The following APPL2 variants were observed in gnomAD, a reference collection of about 807,000 sequenced individuals.
APPL2 encodes the protein DCC-interacting protein 13-beta.
In APPL2, 84 loss-of-function variants were observed where a neutral mutation model predicts 92.7. That is an observed-to-expected ratio of 0.91 (90% CI 0.76 to 1.09). APPL2 has a LOEUF of 1.09. Among genes scored for constraint, APPL2 ranks in the 50% least tolerant of loss-of-function variants. The pLI, the probability that APPL2 is intolerant of heterozygous loss-of-function variation, is 0.00. For missense variants in APPL2, 736 were observed against 824.5 expected (o/e 0.89, Z 1.31); for synonymous variants, 291 against 291.0 (o/e 1.00, Z 0.00).
Position 105,190,149 on chromosome 12 carries a change from G to A in APPL2, c.1248C>T (p.Asn416=). The A allele has an allele frequency of 6.2e-7, 1 of 1,613,436 alleles. No individual in the cohort carries two copies. Among genetic ancestry groups the A allele is most frequent in the South Asian group, 1.1e-5 (1 of 91,032 alleles). ...KKQESSCPSQ[N]LKNSEMENEN... ...CATTTTCCATCTCTGAATTTTTCAG[G>A]TTCTGGCTGAAGGGGAAAAAAATCA... The change falls in exon 15 of 21, where the codon AAC becomes AAT. Residue 416 remains asparagine (N), a synonymous_variant. Coordinates refer to ENST00000258530, the MANE Select transcript of APPL2 (RefSeq NM_018171.5).
chr12:105,183,756 A>AGT (rs1886344526), intron 17 of APPL2, among the ~76,000 whole-genome samples: 1 of 151,800 alleles, frequency 6.6e-6, no homozygotes, highest in Admixed American at 6.6e-5. Flanking sequence ...CTTCTCGAGG[A>AGT]GTATCTTTGT....
chr12:105,182,463 A>G lies in APPL2; in HGVS notation c.1635-5201T>C, dbSNP rs1886203733. The stretch of plus-strand genomic sequence containing the variant: ...TGTGGTATGTTGTGTCCTTGTTCTC[A>G]TTGATTTCAAGTAATTTATTTATTT... On this transcript the variant is annotated intron_variant, in intron 17 of 20. Coordinates refer to ENST00000258530, the MANE Select transcript of APPL2 (RefSeq NM_018171.5). Among the ~76,000 whole-genome samples the G allele has an allele frequency of 2.0e-5, 3 of 152,204 alleles. No individual in the cohort carries two copies. The South Asian group carries it at 6.2e-4, about 31-fold the overall frequency.
At chr12:105,205,980 C>T (rs1888665264) in intron 8 of APPL2, among the ~76,000 whole-genome samples, 1 of 152,212 alleles carries the variant, frequency 6.6e-6, no homozygotes, top group Admixed American at 6.5e-5. Context: ...CTTCCAAAGG[C>T]ACAGGCTGAC....
At chr12:105,216,129 T>C (rs1413637521) in intron 4 of APPL2, among the ~76,000 whole-genome samples, 2 of 152,196 alleles carry the variant, frequency 1.3e-5, no homozygotes, top group African/African-American at 4.8e-5. Context: ...ACAATTAGAA[T>C]TTATGCACTT....
At position 105,209,556 on chromosome 12, in the gene APPL2, T is replaced by C. The variant is rs187873192; in HGVS notation, c.374-1357A>G. 5.3e-5 allele frequency among the ~76,000 whole-genome samples: 8 copies of C among 152,270 alleles called. No homozygotes were observed. In the East Asian group the frequency reaches 5.8e-4, roughly 11 times the overall value. ...CCTGAAAGACATAAATCTGACAACA[T>C]AGGTCTTAGGAGATGATTATTTTCT... is the stretch of plus-strand genomic sequence containing the variant. On this transcript the variant is annotated intron_variant, in intron 5 of 20. Coordinates refer to ENST00000258530, the MANE Select transcript of APPL2 (RefSeq NM_018171.5).
chr12:105,178,691 C>T (rs1885794229), intron 17 of APPL2, among the ~76,000 whole-genome samples: 1 of 152,164 alleles, frequency 6.6e-6, no homozygotes, highest in Non-Finnish European at 1.5e-5. Context: ...CTTCTTACAA[C>T]TGGTTCATCT....
intron 17 of APPL2, among the ~76,000 whole-genome samples, chr12:105,188,060 C>G (rs1886885699): frequency 6.6e-6 from 1 of 151,752 alleles, no homozygotes; most frequent in South Asian, 2.1e-4. Flanking sequence ...TCTTTGTGAA[C>G]AACAGTATTC....
chr12:105,196,767 C>T lies in APPL2; in HGVS notation c.1052+998G>A, dbSNP rs938602903. 2.6e-4 allele frequency among the ~76,000 whole-genome samples: 40 copies of T among 152,254 alleles called. 1 individual carries two copies. The Middle Eastern group carries it at 0.014, about 52-fold the overall frequency. On this transcript the variant is annotated intron_variant, in intron 11 of 20. Coordinates refer to ENST00000258530, the MANE Select transcript of APPL2 (RefSeq NM_018171.5). ...AGGCTTTAACTTTTTAAAGAGACCC[C>T]ACATCTGCCAGTTCCCTTGTTCCTC... is the stretch of plus-strand genomic sequence containing the variant.
intron 8 of APPL2, 111 bp downstream of exon 8, chr12:105,206,950 T>C (rs1171441136): frequency 2.2e-6 from 3 of 1,335,052 alleles, no homozygotes; most frequent in Non-Finnish European, 2.0e-6. Flanking sequence ...GCCAGGGAGA[T>C]TGTGCATTTA....
At chr12:105,195,776 C>T (rs1196743) in intron 11 of APPL2, 149 bp from the exon 12 acceptor site, 490,660 of 801,548 alleles carry the variant, frequency 0.61, 155,001 homozygotes, top group Middle Eastern at 0.69. Flanking sequence ...GTTCCAGGGC[C>T]AGGTGCAGTG....
At chr12:105,234,376 T>G (rs1191867505) in intron 1 of APPL2, among the ~76,000 whole-genome samples, 2 of 152,202 alleles carry the variant, frequency 1.3e-5, no homozygotes, top group Non-Finnish European at 2.9e-5. Flanking sequence ...CATCACATCC[T>G]AAGTGAGCGT....
chr12:105,202,803 CT>C (rs1239490357), intron 9 of APPL2, among the ~76,000 whole-genome samples: 1 of 152,206 alleles, frequency 6.6e-6, no homozygotes, highest in Non-Finnish European at 1.5e-5. Context: ...TGCTTTGCAT[CT>C]GTCTCAATGC....
At position 105,193,108 on chromosome 12, in the gene APPL2, TAG is replaced by T. The variant is rs200256941; in HGVS notation, c.1241+2151_1241+2152del. Among the ~76,000 whole-genome samples the T allele has an allele frequency of 1.8e-4, 27 of 149,728 alleles. No homozygotes were observed. In the East Asian group the frequency reaches 4.8e-3, roughly 27 times the overall value. On this transcript the variant is annotated intron_variant, in intron 14 of 20. Coordinates refer to ENST00000258530, the MANE Select transcript of APPL2 (RefSeq NM_018171.5). ...CACTGGGCTAATTCAGCTGGCTGGC[TAG>T]AGTCATTTTTTTTCCCCCCAGGGAG...
intron 1 of APPL2, chr12:105,233,384 A>G: frequency 1.0e-6 from 1 of 985,502 alleles, no homozygotes; most frequent in Non-Finnish European, 1.2e-6. Flanking sequence ...ACGCATGTGT[A>G]TGCACACAGA....
At chr12:105,206,970 C>T in intron 8 of APPL2, 91 bp downstream of exon 8, 2 of 1,479,568 alleles carry the variant, frequency 1.4e-6, no homozygotes, top group Middle Eastern at 4.7e-4. Flanking sequence ...ATGTTTCTTT[C>T]TACGACGATG....
chr12:105,192,434 G>A (rs1264759173), intron 14 of APPL2, among the ~76,000 whole-genome samples: 2 of 152,034 alleles, frequency 1.3e-5, no homozygotes, highest in Admixed American at 1.3e-4. Context: ...CTCCCCACAT[G>A]CTTCCTTCTT....
At chr12:105,207,315 C>A in intron 7 of APPL2, 108 bp from the exon 8 acceptor site, 3 of 1,100,906 alleles carry the variant, frequency 2.7e-6, no homozygotes, top group East Asian at 2.6e-5. Flanking sequence ...ATTTTTGTGA[C>A]AAATATAACA....
intron 9 of APPL2, 108 bp downstream of exon 9, chr12:105,203,595 G>A: frequency 4.1e-6 from 4 of 965,100 alleles, no homozygotes; most frequent in East Asian, 2.4e-5. Flanking sequence ...GTGGACAGAG[G>A]CTCTGTGCGA....
At chr12:105,230,805 G>A (rs889661463) in intron 1 of APPL2, among the ~76,000 whole-genome samples, 1 of 152,148 alleles carries the variant, frequency 6.6e-6, no homozygotes, top group African/African-American at 2.4e-5. Flanking sequence ...CAGGACTAAT[G>A]TACTGTCTTC....
Sources: allele counts gnomAD v4.1 joint callset (sites outside exome capture counted in the v4.1 genomes callset), GRCh38; gene constraint gnomAD v4.1.1; transcripts MANE v1.5; gene names NCBI Gene and HGNC (gene_info 2026-07-23, HGNC 2026-07-21).